The following GRIP1 variants were observed in gnomAD, a reference collection of about 807,000 sequenced individuals.
GRIP1 encodes the protein glutamate receptor interacting protein 1.
GRIP1 carries 45 observed loss-of-function variants against 129.9 expected under a neutral mutation model. The ratio of observed to expected loss-of-function variants is 0.35; its 90% CI spans 0.27 to 0.44. The LOEUF (loss-of-function observed/expected upper bound fraction) is 0.44, where lower values mean the gene tolerates loss of function less well. Among genes scored for constraint, GRIP1 ranks in the 20% least tolerant of loss-of-function variants. The probability of loss-of-function intolerance (pLI) is 1.00; values close to 1 mark genes in which losing one functional copy is unlikely to be tolerated. For synonymous variants in GRIP1, 530 were observed against 520.8 expected, an observed-to-expected ratio of 1.02 and a Z score of -0.24; for missense variants, 1,196 against 1,396.8, an observed-to-expected ratio of 0.86 and a Z score of 2.29.
chr12:67,016,868 A>G (rs541760491), intron 1 of GRIP1, among the ~76,000 whole-genome samples: 1 of 152,320 alleles, frequency 6.6e-6, no homozygotes, highest in East Asian at 1.9e-4. Flanking sequence ...TTTGAGACAA[A>G]GGAACTGCAT....
At chr12:66,577,186 T>C (rs11836690) in intron 2 of GRIP1, among the ~76,000 whole-genome samples, 6,667 of 152,262 alleles carry the variant, frequency 0.044, 511 homozygotes, top group African/African-American at 0.15. Context: ...AGATGATAGA[T>C]GTATTCAAGT....
chr12:66,692,919 G>C (rs1243827244), intron 1 of GRIP1, among the ~76,000 whole-genome samples: 1 of 152,140 alleles, frequency 6.6e-6, no homozygotes, highest in Admixed American at 6.5e-5. Flanking sequence ...CTTGTGCTGA[G>C]GAGTCCTGAC....
At chr12:66,366,418 A>G (rs2055147732) in intron 23 of GRIP1, among the ~76,000 whole-genome samples, 1 of 152,206 alleles carries the variant, frequency 6.6e-6, no homozygotes, top group Non-Finnish European at 1.5e-5. Flanking sequence ...GGAAAACTCA[A>G]AAATGTTCAA....
chr12:66,488,804 A>G (rs2060027066), intron 7 of GRIP1, among the ~76,000 whole-genome samples: 1 of 152,264 alleles, frequency 6.6e-6, no homozygotes, highest in African/African-American at 2.4e-5. Flanking sequence ...ACTGACCCCC[A>G]CAGAAATACA....
At chr12:67,034,728 C>T (rs1361157026) in intron 1 of GRIP1, among the ~76,000 whole-genome samples, 2 of 152,194 alleles carry the variant, frequency 1.3e-5, no homozygotes, top group Admixed American at 6.5e-5. Flanking sequence ...ACAACAAACA[C>T]GAGTAACCCA....
At chr12:66,527,447 G>C (rs147270734) in intron 5 of GRIP1, among the ~76,000 whole-genome samples, 1 of 151,836 alleles carries the variant, frequency 6.6e-6, no homozygotes, top group Non-Finnish European at 1.5e-5. Flanking sequence ...AACACTGCAT[G>C]TTCTCACTCA....
intron 1 of GRIP1, among the ~76,000 whole-genome samples, chr12:66,803,142 T>A (rs867193386): frequency 6.6e-6 from 1 of 152,210 alleles, no homozygotes; most frequent in African/African-American, 2.4e-5. Context: ...ATAAGTGGGA[T>A]GCATTCATGA....
chr12:66,579,669 G>A (rs1486675629), intron 2 of GRIP1, among the ~76,000 whole-genome samples: 1 of 152,160 alleles, frequency 6.6e-6, no homozygotes, highest in African/African-American at 2.4e-5. Context: ...AATGGAAGAT[G>A]AAACACGTGA....
intron 1 of GRIP1, among the ~76,000 whole-genome samples, chr12:66,922,921 AC>A (rs2041236731): frequency 6.6e-6 from 1 of 152,236 alleles, no homozygotes; most frequent in Admixed American, 6.5e-5. Flanking sequence ...AATGCACTAT[AC>A]ATTAAACAAA....
chr12:66,426,182 T>C (rs903814510), intron 14 of GRIP1, among the ~76,000 whole-genome samples: 1 of 152,172 alleles, frequency 6.6e-6, no homozygotes, highest in African/African-American at 2.4e-5. Context: ...ACCCACCATT[T>C]TGGAAATAAA....
intron 5 of GRIP1, among the ~76,000 whole-genome samples, chr12:66,526,896 A>G (rs1440969401): frequency 1.4e-5 from 2 of 140,468 alleles, no homozygotes; most frequent in Admixed American, 7.0e-5. Flanking sequence ...AAAAGAAGAC[A>G]TTTACGCAGC....
At chr12:66,387,750 G>A (rs2056415453) in intron 19 of GRIP1, among the ~76,000 whole-genome samples, 1 of 152,206 alleles carries the variant, frequency 6.6e-6, no homozygotes, top group African/African-American at 2.4e-5. Flanking sequence ...GCAAGATGAT[G>A]ATGAAACATG....
chr12:66,399,131 C>G (rs2056895324), intron 16 of GRIP1, among the ~76,000 whole-genome samples: 1 of 151,862 alleles, frequency 6.6e-6, no homozygotes, highest in African/African-American at 2.4e-5. Context: ...TGATGCAAAC[C>G]CAATCTCATT....
chr12:66,894,169 G>A (rs929525109), intron 1 of GRIP1, among the ~76,000 whole-genome samples: 1 of 152,088 alleles, frequency 6.6e-6, no homozygotes, highest in African/African-American at 2.4e-5. Context: ...ATCCAGAAAG[G>A]ACACATTTAA....
intron 1 of GRIP1, among the ~76,000 whole-genome samples, chr12:66,758,067 A>G (rs1381596907): frequency 1.3e-5 from 2 of 152,240 alleles, no homozygotes; most frequent in Non-Finnish European, 2.9e-5. Context: ...AAAAAACAAC[A>G]TATATTTACA....
At chr12:67,023,928 C>G (rs766329444) in intron 1 of GRIP1, among the ~76,000 whole-genome samples, 1 of 151,460 alleles carries the variant, frequency 6.6e-6, no homozygotes, top group Non-Finnish European at 1.5e-5. Flanking sequence ...TTTTTTTTCT[C>G]TTTTCTCTTT....
At chr12:66,774,040 ATCAAAGT>A (rs1473366124) in intron 1 of GRIP1, among the ~76,000 whole-genome samples, 7 of 152,254 alleles carry the variant, frequency 4.6e-5, no homozygotes, top group Admixed American at 1.3e-4. Context: ...AAAAAAAAGT[ATCAAAGT>A]TCAAAGTTCA....
intron 23 of GRIP1, among the ~76,000 whole-genome samples, chr12:66,355,031 G>T (rs911012217): frequency 8.5e-5 from 13 of 152,128 alleles, no homozygotes; most frequent in African/African-American, 3.1e-4. Context: ...GTGCCTAATG[G>T]TTCTATTCTC....
At chr12:66,801,040 C>T (rs2038842333) in intron 1 of GRIP1, among the ~76,000 whole-genome samples, 1 of 152,044 alleles carries the variant, frequency 6.6e-6, no homozygotes, top group Non-Finnish European at 1.5e-5. Context: ...TAGGTGATTT[C>T]TTTTTGCCTT....
Sources: allele counts gnomAD v4.1 joint callset (sites outside exome capture counted in the v4.1 genomes callset), GRCh38; gene constraint gnomAD v4.1.1; transcripts MANE v1.5; gene names NCBI Gene and HGNC (gene_info 2026-07-23, HGNC 2026-07-21).